The following SLIT3 variants were observed in gnomAD, a reference collection of about 807,000 sequenced individuals.
The protein encoded by SLIT3 is slit homolog 3 protein.
Under a neutral mutation model 184.0 loss-of-function variants are expected in SLIT3, and 68 were observed. The observed-to-expected ratio is 0.37, with a 90% CI of 0.30 to 0.45. The LOEUF (loss-of-function observed/expected upper bound fraction) is 0.45. Ranked by LOEUF, SLIT3 falls within the 20% of genes least tolerant of loss-of-function variation. SLIT3 has a pLI of 1.00. For synonymous variants in SLIT3, 831 were observed against 828.6 expected (o/e 1.00, Z -0.05); for missense variants, 1,707 against 2,026.0 (o/e 0.84, Z 3.02).
chr5:168,783,457 A>G (rs1025633715), intron 12 of SLIT3, among the ~76,000 whole-genome samples: 1 of 152,142 alleles, frequency 6.6e-6, no homozygotes, highest in Non-Finnish European at 1.5e-5. Flanking sequence ...AGAACCAACT[A>G]CAATGTACCC....
In SLIT3 at chr5:168,673,184, G is replaced by T; in HGVS notation, c.3834C>A (p.Tyr1278Ter). ...QPAVGINSPLYLGGIPTSTGL... is the reference protein window; with the variant it reads ...QPAVGINSPL ...AGGGAAAGAGGGCATTACCTCCAAG[G>T]TAGAGGGGGCTGTTGATGCCCACTG... The change falls in exon 33 of 36, where the codon TAC becomes TAA. Residue 1278 changes from tyrosine (Y) to a stop codon, truncating the protein, a stop_gained. Coordinates refer to ENST00000519560, the MANE Select transcript of SLIT3 (RefSeq NM_003062.4). LOFTEE classifies it high-confidence loss of function. 1 of 1,613,574 alleles carries T rather than the reference G, an allele frequency of 6.2e-7. No homozygotes were observed. Among genetic ancestry groups the T allele is most frequent in the South Asian group, 1.1e-5 (1 of 91,054 alleles).
At chr5:168,778,980 A>G (rs1581073093) in intron 12 of SLIT3, among the ~76,000 whole-genome samples, 2 of 152,220 alleles carry the variant, frequency 1.3e-5, no homozygotes, top group Non-Finnish European at 2.9e-5. Context: ...CGGAGATCAT[A>G]TAAATGAAAA....
intron 9 of SLIT3, among the ~76,000 whole-genome samples, chr5:168,802,355 C>G (rs1756798835): frequency 6.6e-6 from 1 of 152,118 alleles, no homozygotes; most frequent in Non-Finnish European, 1.5e-5. Flanking sequence ...CCCCTCCAAC[C>G]TGCTCTCAAG....
chr5:168,823,499 A>T (rs1757604381), intron 6 of SLIT3, among the ~76,000 whole-genome samples, 168 bp from the exon 7 acceptor site: 1 of 152,070 alleles, frequency 6.6e-6, no homozygotes, highest in Admixed American at 6.5e-5. Context: ...TCCAGACGAG[A>T]AGAGCATGCC....
At chr5:169,187,920 G>A (rs28735863) in intron 4 of SLIT3, among the ~76,000 whole-genome samples, 2,675 of 150,848 alleles carry the variant, frequency 0.018, 81 homozygotes, top group African/African-American at 0.059. Flanking sequence ...CTCACCCTCC[G>A]CCCTGCCGCA....
At chr5:169,281,652 CGTT>C (rs1766997991) in intron 1 of SLIT3, among the ~76,000 whole-genome samples, 2 of 152,152 alleles carry the variant, frequency 1.3e-5, no homozygotes, top group African/African-American at 4.8e-5. Context: ...TAGCATTAGT[CGTT>C]ATTACTGTTA....
intron 27 of SLIT3, among the ~76,000 whole-genome samples, chr5:168,698,244 A>C (rs1561880650): frequency 6.6e-6 from 1 of 152,238 alleles, no homozygotes; most frequent in Non-Finnish European, 1.5e-5. Context: ...GATATGTTGA[A>C]GTCCTAACCC....
intron 4 of SLIT3, among the ~76,000 whole-genome samples, chr5:169,123,180 A>G (rs1760946123): frequency 6.6e-6 from 1 of 152,180 alleles, no homozygotes; most frequent in Non-Finnish European, 1.5e-5. Flanking sequence ...GTACTAAGAA[A>G]GGTAAGACTT....
chr5:168,834,261 A>T lies in SLIT3; in HGVS notation c.557+10323T>A, dbSNP rs550879631. On this transcript the variant is annotated intron_variant, in intron 6 of 35. Coordinates refer to ENST00000519560, the MANE Select transcript of SLIT3 (RefSeq NM_003062.4). The stretch of plus-strand genomic sequence containing the variant: ...TGGAAGTCATTTGCAAGGCTGTGAG[A>T]AGCAAATAATGGGGATCAGGGAACG... Among the ~76,000 whole-genome samples, 3 of 152,216 alleles carry T rather than the reference A, an allele frequency of 2.0e-5. 1 individual carries two copies. Among genetic ancestry groups the T allele is most frequent in the Admixed American group, 2.0e-4 (3 of 15,288 alleles).
chr5:169,258,567 T>C (rs1164274363), intron 1 of SLIT3, among the ~76,000 whole-genome samples: 1 of 152,200 alleles, frequency 6.6e-6, no homozygotes, highest in African/African-American at 2.4e-5. Context: ...TAAACAGGCA[T>C]CACCATGGTA....
At chr5:169,209,467 T>C (rs1188631734) in intron 3 of SLIT3, among the ~76,000 whole-genome samples, 1 of 152,188 alleles carries the variant, frequency 6.6e-6, no homozygotes, top group Non-Finnish European at 1.5e-5. Context: ...GAATTATAAA[T>C]CATTCAACTA....
intron 4 of SLIT3, among the ~76,000 whole-genome samples, chr5:169,130,819 T>G (rs59389193): frequency 6.6e-6 from 1 of 152,226 alleles, no homozygotes; most frequent in East Asian, 1.9e-4. Flanking sequence ...TAAACTAGAC[T>G]GATCATGTGT....
At chr5:168,851,536 CA>C (rs1249461595) in intron 5 of SLIT3, among the ~76,000 whole-genome samples, 1 of 152,072 alleles carries the variant, frequency 6.6e-6, no homozygotes, top group African/African-American at 2.4e-5. Flanking sequence ...ACGAGGGGAC[CA>C]AGGAAGTTTG....
intron 4 of SLIT3, among the ~76,000 whole-genome samples, chr5:169,097,372 AG>A (rs1759828175): frequency 2.0e-5 from 3 of 152,010 alleles, no homozygotes; most frequent in African/African-American, 7.3e-5. Context: ...AATGGGGAGG[AG>A]GAAAAGGGGA....
At chr5:168,802,524 T>C (rs1474656807) in intron 9 of SLIT3, among the ~76,000 whole-genome samples, 2 of 152,196 alleles carry the variant, frequency 1.3e-5, no homozygotes, top group African/African-American at 4.8e-5. Context: ...GGGTGCCCAA[T>C]ACGCAGGGGC....
chr5:168,798,990 G>T (rs990531825), intron 9 of SLIT3, among the ~76,000 whole-genome samples: 1 of 152,224 alleles, frequency 6.6e-6, no homozygotes, highest in African/African-American at 2.4e-5. Context: ...TCAAAGCCCA[G>T]ACTCTCAATC....
At chr5:169,230,951 A>G (rs1432565215) in intron 3 of SLIT3, among the ~76,000 whole-genome samples, 1 of 152,204 alleles carries the variant, frequency 6.6e-6, no homozygotes, top group Non-Finnish European at 1.5e-5. Flanking sequence ...TAGATTCAAC[A>G]ATTATTTTCA....
In SLIT3 at chr5:168,917,471, A is replaced by G. The variant is rs148754695; in HGVS notation, c.414-34135T>C. On this transcript the variant is annotated intron_variant, in intron 4 of 35. Coordinates refer to ENST00000519560, the MANE Select transcript of SLIT3 (RefSeq NM_003062.4). ...ATCTCAGTCAAATCCCTTGTTTTTT[A>G]TTGATATTCCATGCTGAGGAATTCC... Among the ~76,000 whole-genome samples, 284 of 152,226 alleles carry G rather than the reference A, an allele frequency of 1.9e-3. 10 individuals carry two copies. The South Asian group carries it at 0.043, about 23-fold the overall frequency.
intron 4 of SLIT3, among the ~76,000 whole-genome samples, chr5:169,168,765 G>A (rs1482028733): frequency 6.6e-6 from 1 of 152,228 alleles, no homozygotes; most frequent in East Asian, 1.9e-4. Flanking sequence ...CAAACTGTCA[G>A]GGATGCTCTG....
Sources: allele counts gnomAD v4.1 joint callset (sites outside exome capture counted in the v4.1 genomes callset), GRCh38; gene constraint gnomAD v4.1.1; transcripts MANE v1.5; gene names NCBI Gene and HGNC (gene_info 2026-07-23, HGNC 2026-07-21).